Variants in MGAT5 observed in about 807,000 individuals in gnomAD.
The protein encoded by MGAT5 is alpha-1,6-mannosylglycoprotein 6-beta-N-acetylglucosaminyltransferase.
Under a neutral mutation model 94.3 loss-of-function variants are expected in MGAT5, and 30 were observed. The ratio of observed to expected loss-of-function variants is 0.32; its 90% CI spans 0.24 to 0.43. MGAT5 has a LOEUF of 0.43. Ranked by LOEUF, MGAT5 falls within the 20% of genes least tolerant of loss-of-function variation. The probability of loss-of-function intolerance (pLI) is 1.00; values close to 1 mark genes in which losing one functional copy is unlikely to be tolerated. For missense variants in MGAT5, 691 were observed against 905.5 expected (o/e 0.76, Z 3.04); for synonymous variants, 310 against 322.9 (o/e 0.96, Z 0.43).
intron 1 of MGAT5, among the ~76,000 whole-genome samples, chr2:134,144,419 A>G (rs1247916848): frequency 6.6e-6 from 1 of 152,166 alleles, no homozygotes; most frequent in Non-Finnish European, 1.5e-5. Context: ...CACTGTCAGG[A>G]GAATAGCACC....
At position 134,260,319 on chromosome 2, in the gene MGAT5, G is replaced by C. The variant is rs12464554; in HGVS notation, c.241+5675G>C. 3.2e-3 allele frequency among the ~76,000 whole-genome samples: 480 copies of C among 152,330 alleles called. 9 individuals carry two copies. Among genetic ancestry groups the C allele is most frequent in the Admixed American group, 0.025 (375 of 15,304 alleles). ...TAAGGAGGCACACACGCCGGTTGGA[G>C]AACCAGCATAGGGCTTTTGGTTGCT... On this transcript the variant is annotated intron_variant, in intron 1 of 15. Transcript: ENST00000281923.
At chr2:134,422,132 T>A (rs1451099733) in intron 12 of MGAT5, among the ~76,000 whole-genome samples, 1 of 151,396 alleles carries the variant, frequency 6.6e-6, no homozygotes, top group Non-Finnish European at 1.5e-5. Flanking sequence ...GAACTACGAC[T>A]GGGCAACAGA....
At chr2:134,238,520 G>A (rs190544111) in intron 1 of MGAT5, among the ~76,000 whole-genome samples, 262 of 152,322 alleles carry the variant, frequency 1.7e-3, no homozygotes, top group African/African-American at 6.0e-3. Flanking sequence ...ATCCTTGTCA[G>A]GAGTTCAGCT....
chr2:134,446,360 A>G (rs1247501958), intron 15 of MGAT5, among the ~76,000 whole-genome samples: 1 of 152,016 alleles, frequency 6.6e-6, no homozygotes, highest in African/African-American at 2.4e-5. Flanking sequence ...GAGTCGCCGT[A>G]GAGATTTCTA....
chr2:134,306,316 C>G (rs1686327311), intron 2 of MGAT5, among the ~76,000 whole-genome samples: 1 of 152,086 alleles, frequency 6.6e-6, no homozygotes, highest in Admixed American at 6.6e-5. Context: ...ATTATCCAAA[C>G]TATATTACAA....
In MGAT5 at chr2:134,453,474, T is replaced by C. The variant is rs571506462; in HGVS notation, c.*4627T>C. ...TTTTTGAGCTAGAAATTAAAATGGG[T>C]TCTCTGGCAGACTGCACCCCTTGAG... On this transcript the variant is annotated 3_prime_UTR_variant, in exon 16 of 16. Transcript: ENST00000281923. 6.6e-6 allele frequency: 1 copy of C among 152,168 alleles called. No homozygotes were observed. The highest frequency in any genetic ancestry group is 1.5e-5 in the Non-Finnish European group (1 of 68,032). The allele number at this position is 152,168 out of a possible 1,614,324, so 9.4% of individuals were successfully genotyped here.
chr2:134,421,217 CAG>C (rs764868435), intron 12 of MGAT5, among the ~76,000 whole-genome samples: 5 of 152,206 alleles, frequency 3.3e-5, no homozygotes, highest in African/African-American at 7.2e-5. Context: ...TCAGATAAAA[CAG>C]AGCAGAGACA....
intron 1 of MGAT5, among the ~76,000 whole-genome samples, chr2:134,136,870 C>T (rs1686433877): frequency 6.6e-6 from 1 of 152,152 alleles, no homozygotes. Context: ...GTGGGCTTAT[C>T]TCCAACTTTT....
intron 10 of MGAT5, among the ~76,000 whole-genome samples, chr2:134,366,917 G>A (rs1369021661): frequency 6.6e-6 from 1 of 152,192 alleles, no homozygotes; most frequent in Non-Finnish European, 1.5e-5. Context: ...GCTACTGTAG[G>A]TGCCTAGTTC....
chr2:134,414,474 A>T (rs1449236843), intron 12 of MGAT5, among the ~76,000 whole-genome samples: 1 of 152,144 alleles, frequency 6.6e-6, no homozygotes, highest in Non-Finnish European at 1.5e-5. Context: ...CTAGTAAATC[A>T]TCCCTCGGGT....
chr2:134,345,030 A>G lies in MGAT5; in HGVS notation c.1078A>G (p.Lys360Glu). 1 of 1,613,604 alleles carries G rather than the reference A, an allele frequency of 6.2e-7. No homozygotes were observed. Among genetic ancestry groups the G allele is most frequent in the Non-Finnish European group, 8.5e-7 (1 of 1,179,686 alleles). The part of the protein sequence containing the change: ...YIDIVGLAQF[K>E]KTLGPSWVHY... ...TGATATTGTAGGACTTGCTCAATTC[A>G]AGAAAACTCTTGGACCATCCTGGGT... The change falls in exon 8 of 16, where the codon AAG becomes GAG. Residue 360 changes from lysine to glutamate, a missense_variant. This residue lies in a region of MGAT5 where 121 missense variants were observed against 206.1 expected (regional missense o/e 0.59). Transcript: ENST00000281923.
chr2:134,122,120 T>TA (rs1685623228), intron 1 of MGAT5, among the ~76,000 whole-genome samples: 2 of 151,926 alleles, frequency 1.3e-5, no homozygotes, highest in South Asian at 4.2e-4. Flanking sequence ...TTTTTTTTTT[T>TA]AAAGATGGAG....
chr2:134,313,037 AACACACACACACAC>A (rs201311442), intron 2 of MGAT5, among the ~76,000 whole-genome samples: 26,003 of 139,052 alleles, frequency 0.19, 2,649 homozygotes, highest in Middle Eastern at 0.37. Context: ...GCAAGAAATA[AACACACACACACAC>A]ACACACACAC....
chr2:134,119,955 G>C (rs1685482875), upstream of MGAT5: 1 of 152,086 alleles, frequency 6.6e-6, no homozygotes, highest in African/African-American at 2.4e-5. Context: ...GCCCAGAAGC[G>C]GGGAGAAGTT....
intron 4 of MGAT5, among the ~76,000 whole-genome samples, chr2:134,330,554 A>AGTGTGTGTGTGTGTGTGTGTGT (rs34688054): frequency 0.01 from 1,555 of 148,540 alleles, 15 homozygotes; most frequent in Middle Eastern, 0.034. Flanking sequence ...TAAATTGTGT[A>AGTGTGTGTGTGTGTGTGTGTGT]GTGTGTGTGT....
intron 15 of MGAT5, among the ~76,000 whole-genome samples, chr2:134,447,408 G>A (rs1685849954): frequency 6.6e-6 from 1 of 152,194 alleles, no homozygotes; most frequent in Admixed American, 6.5e-5. Context: ...CACTTACTTA[G>A]AGCTTGACTC....
At chr2:134,158,169 C>G (rs1005429196) in intron 1 of MGAT5, among the ~76,000 whole-genome samples, 1 of 152,218 alleles carries the variant, frequency 6.6e-6, no homozygotes, top group Non-Finnish European at 1.5e-5. Flanking sequence ...GGCCTCAGGC[C>G]ATCCCTGGCG....
chr2:134,384,922 C>T (rs906450768), intron 10 of MGAT5, among the ~76,000 whole-genome samples: 28 of 152,070 alleles, frequency 1.8e-4, no homozygotes, highest in African/African-American at 6.8e-4. Flanking sequence ...TGGTTTGAGG[C>T]TACTTTTAGT....
chr2:134,329,099 A>G (rs1043947941), intron 4 of MGAT5, among the ~76,000 whole-genome samples: 20 of 151,854 alleles, frequency 1.3e-4, no homozygotes, highest in African/African-American at 4.6e-4. Flanking sequence ...TTGTTTGTCT[A>G]CGGTTAAAAT....
Sources: gnomAD v4.1 joint callset for allele counts (sites outside exome capture counted in the v4.1 genomes callset) on GRCh38, gnomAD v4.1.1 for gene constraint, gnomAD v4.1.1 regional missense constraint, MANE v1.5 for transcripts, NCBI Gene and HGNC (gene_info 2026-07-23, HGNC 2026-07-21) for gene names.